The following SLC40A1 variants were observed in gnomAD, a reference collection of about 807,000 sequenced individuals.
SLC40A1 encodes solute carrier family 40 member 1.
Under a neutral mutation model 53.5 loss-of-function variants are expected in SLC40A1, and 16 were observed. That is an observed-to-expected ratio of 0.30 (90% CI 0.20 to 0.45). The LOEUF is 0.45. Ranked by LOEUF, SLC40A1 falls within the 20% of genes least tolerant of loss-of-function variation. SLC40A1 has a pLI of 1.00. For synonymous variants in SLC40A1, 247 were observed against 253.2 expected (o/e 0.98, Z 0.23); for missense variants, 545 against 695.4 (o/e 0.78, Z 2.43).
rs13420264 is a variant in SLC40A1 at position 189,575,671 on chromosome 2, C to T, written c.112-351G>A. The stretch of plus-strand genomic sequence containing the variant: ...GGTTTCTCCTGGGGCCTGGAATTTG[C>T]CTATCTTGATTGCAGAGGCATAAAG... On this transcript the variant is annotated intron_variant, in intron 2 of 7. Coordinates refer to ENST00000261024, the MANE Select transcript of SLC40A1 (RefSeq NM_014585.6). 3.3e-3 allele frequency among the ~76,000 whole-genome samples: 507 copies of T among 152,268 alleles called. 1 individual carries two copies. The highest frequency in any genetic ancestry group is 0.012 in the African/African-American group (492 of 41,546).
intron 2 of SLC40A1, among the ~76,000 whole-genome samples, chr2:189,579,113 G>C (rs1338920062): frequency 6.6e-6 from 1 of 152,136 alleles, no homozygotes; most frequent in African/African-American, 2.4e-5. Flanking sequence ...ATTTTTCGGA[G>C]AGAGTTTTAG....
In SLC40A1 at chr2:189,563,709, AT is replaced by A. The variant is rs2030830902; in HGVS notation, c.1276del (p.Ile426LeufsTer27). ...ATTAGACATGTATATTTCAGTTGTA[AT>A]TTCAGGTATCTTGGTAGGTGTAATT... ...ESITPTKIPE[I>X]TTEIYMSNGS... On this transcript the variant is annotated frameshift_variant, in exon 7 of 8. Coordinates refer to ENST00000261024, the MANE Select transcript of SLC40A1 (RefSeq NM_014585.6). LOFTEE classifies it high-confidence loss of function. 1 of 1,614,078 alleles carries A rather than the reference AT, an allele frequency of 6.2e-7. No individual in the cohort carries two copies. The highest frequency in any genetic ancestry group is 8.5e-7 in the Non-Finnish European group (1 of 1,180,032).
In SLC40A1 at chr2:189,571,819, A is replaced by T; in HGVS notation, c.410T>A (p.Ile137Asn). ...CAAATTTGCAATATTTGCAATAGTGATGATCAGGATATAGCAGGAAGTCTA... is the reference window on the plus strand; with the variant it reads ...CAAATTTGCAATATTTGCAATAGTGTTGATCAGGATATAGCAGGAAGTCTA... The part of the protein sequence containing the change: ...WVLTSCYILI[I>N]TIANIANLAS... Residue 137 changes from isoleucine (I) to asparagine (N), a missense_variant, in exon 5 of 8, where the codon ATC becomes AAC. Physicochemically the swap from Ile to Asn is moderately radical, Grantham distance 149 (BLOSUM62 -3). This residue lies in a region of SLC40A1 where 197 missense variants were observed against 278.8 expected (regional missense o/e 0.71). Coordinates refer to ENST00000261024, the MANE Select transcript of SLC40A1 (RefSeq NM_014585.6). 6.2e-7 allele frequency: 1 copy of T among 1,610,896 alleles called. No individual in the cohort carries two copies. Among genetic ancestry groups the T allele is most frequent in the South Asian group, 1.1e-5 (1 of 91,028 alleles).
In SLC40A1 at chr2:189,564,182, C is replaced by T; in HGVS notation, c.804G>A (p.Val268=). The T allele has an allele frequency of 6.2e-7, 1 of 1,613,736 alleles. No individual in the cohort carries two copies. The highest frequency in any genetic ancestry group is 8.5e-7 in the Non-Finnish European group (1 of 1,179,816). ...CAAGCTCATGGATGTTAGAGTCTTT[C>T]ACACCCATTAGATGAGTTCCCTCCA... ...KPLEGTHLMG[V]KDSNIHELEH... is the part of the protein sequence containing the mutation. Residue 268 remains valine, a synonymous_variant, in exon 7 of 8, where the codon GTG becomes GTA. Coordinates refer to ENST00000261024, the MANE Select transcript of SLC40A1 (RefSeq NM_014585.6).
chr2:189,568,261 G>A lies in SLC40A1; in HGVS notation c.515-2662C>T, dbSNP rs1193047605. On this transcript the variant is annotated intron_variant, in intron 5 of 7. Transcript: ENST00000261024. ...CCCAGCACTTTGGGAGGCCGAGGCG[G>A]GTGGATCACGAGGTCAGGAGATCAA... 2.0e-5 allele frequency among the ~76,000 whole-genome samples: 3 copies of A among 152,164 alleles called. No homozygotes were observed. In the East Asian group the frequency reaches 5.8e-4, roughly 29 times the overall value.
At chr2:189,565,680 A>C in intron 5 of SLC40A1, 81 bp from the exon 6 acceptor site, 3 of 1,566,250 alleles carry the variant, frequency 1.9e-6, no homozygotes, top group Non-Finnish European at 2.6e-6. Flanking sequence ...ACAAAGCTGT[A>C]AACCAAGAGT....
At chr2:189,579,281 C>T (rs536856136) in intron 2 of SLC40A1, among the ~76,000 whole-genome samples, 1 of 152,204 alleles carries the variant, frequency 6.6e-6, no homozygotes, top group African/African-American at 2.4e-5. Flanking sequence ...TTTTTAAAGA[C>T]CAGAATTTTT....
intron 2 of SLC40A1, among the ~76,000 whole-genome samples, chr2:189,578,028 C>T (rs1397174728): frequency 6.6e-6 from 1 of 152,162 alleles, no homozygotes. Flanking sequence ...CAAAACTAAC[C>T]TGAGGCAACC....
intron 2 of SLC40A1, chr2:189,578,537 G>A (rs1168677803): frequency 5.4e-6 from 1 of 184,372 alleles, no homozygotes; most frequent in East Asian, 1.9e-4. Flanking sequence ...CTTCCTCTAA[G>A]AGCAAGGCCA....
intron 5 of SLC40A1, among the ~76,000 whole-genome samples, chr2:189,570,699 C>A (rs547956076): frequency 1.3e-5 from 2 of 152,314 alleles, no homozygotes; most frequent in South Asian, 4.1e-4. Flanking sequence ...TTCTTCTAGA[C>A]CTTCCACAGA....
At chr2:189,574,126 G>A (rs1259378343) in intron 3 of SLC40A1, among the ~76,000 whole-genome samples, 1 of 152,132 alleles carries the variant, frequency 6.6e-6, no homozygotes, top group Non-Finnish European at 1.5e-5. Context: ...TGATTATATA[G>A]GATAAGTGGG....
In SLC40A1 at chr2:189,575,282, C is replaced by T. The variant is rs916801945; in HGVS notation, c.150G>A (p.Leu50=). 10 of 1,614,080 alleles carry T rather than the reference C, an allele frequency of 6.2e-6. No individual in the cohort carries two copies. Among genetic ancestry groups the T allele is most frequent in the Non-Finnish European group, 8.5e-6 (10 of 1,179,958 alleles). The change falls in exon 3 of 8, where the codon CTG becomes CTA. Residue 50 remains leucine, a synonymous_variant. Coordinates refer to ENST00000261024, the MANE Select transcript of SLC40A1 (RefSeq NM_014585.6). ...GGAGGCTGTTTCCATAGAGCTCTAC[C>T]AGAAACACAGACACCGCAAAGTGCC... is the stretch of plus-strand genomic sequence containing the variant. ...RMWHFAVSVF[L]VELYGNSLLL...
chr2:189,572,575 G>T, intron 4 of SLC40A1: 1 of 520,504 alleles, frequency 1.9e-6, no homozygotes, highest in Non-Finnish European at 3.4e-6. Flanking sequence ...TCACTAAAAA[G>T]CTGAAAACAA....
chr2:189,578,194 G>C, intron 2 of SLC40A1: 1 of 985,002 alleles, frequency 1.0e-6, no homozygotes, highest in African/African-American at 1.7e-5. Flanking sequence ...CCACACAAGA[G>C]AAAAAACATA....
At position 189,563,735 on chromosome 2, in the gene SLC40A1, T is replaced by C. The variant is rs751897349; in HGVS notation, c.1251A>G (p.Ser417=). 6.8e-6 allele frequency: 11 copies of C among 1,614,150 alleles called. No individual in the cohort carries two copies. The South Asian group carries it at 1.2e-4, about 18-fold the overall frequency. The change falls in exon 7 of 8, where the codon TCA becomes TCG. Residue 417 remains serine, a synonymous_variant. Coordinates refer to ENST00000261024, the MANE Select transcript of SLC40A1 (RefSeq NM_014585.6). ...TTTCAGGTATCTTGGTAGGTGTAATTGACTCTCCTTGAATGAACCTTGATC... is the reference window on the plus strand; with the variant it reads ...TTTCAGGTATCTTGGTAGGTGTAATCGACTCTCCTTGAATGAACCTTGATC... ...DIRSRFIQGE[S]ITPTKIPEIT...
At chr2:189,574,214 A>G (rs551530224) in intron 3 of SLC40A1, among the ~76,000 whole-genome samples, 1 of 152,356 alleles carries the variant, frequency 6.6e-6, no homozygotes, top group East Asian at 1.9e-4. Context: ...CTCAACAATC[A>G]TTAGATTAAA....
Position 189,580,585 on chromosome 2 carries a change from C to A in SLC40A1, c.-125G>T. The A allele has an allele frequency of 7.6e-6, 12 of 1,576,436 alleles. No homozygotes were observed. Among genetic ancestry groups the A allele is most frequent in the Admixed American group, 1.8e-5 (1 of 56,354 alleles). Reference sequence around the variant, plus strand: ...CCTCTAAAAACACAACAGCCTTGGGCAAAAAGACTACAACGACGACTTTGG... The same window carrying A: ...CCTCTAAAAACACAACAGCCTTGGGAAAAAAGACTACAACGACGACTTTGG... On this transcript the variant is annotated 5_prime_UTR_variant, in exon 1 of 8. Transcript: ENST00000261024.
At chr2:189,573,059 A>G (rs1457387124) in intron 3 of SLC40A1, 98 bp from the exon 4 acceptor site, 2 of 864,018 alleles carry the variant, frequency 2.3e-6, no homozygotes, top group African/African-American at 1.7e-5. Context: ...ACATTAATAC[A>G]CAGACCTAAT....
In SLC40A1 at chr2:189,561,023, C is replaced by G. The variant is rs935138958; in HGVS notation, c.*855G>C. ...TGTGGGCTTTCTACATGTAACTTGCCAGGCTGAAGGCTTACACCCTCATGT... is the reference window on the plus strand; with the variant it reads ...TGTGGGCTTTCTACATGTAACTTGCGAGGCTGAAGGCTTACACCCTCATGT... On this transcript the variant is annotated 3_prime_UTR_variant, in exon 8 of 8. Coordinates refer to ENST00000261024, the MANE Select transcript of SLC40A1 (RefSeq NM_014585.6). 1 of 152,120 alleles carries G rather than the reference C, an allele frequency of 6.6e-6. No individual in the cohort carries two copies. Among genetic ancestry groups the G allele is most frequent in the Admixed American group, 6.6e-5 (1 of 15,264 alleles). The allele number at this position is 152,120 out of a possible 1,614,324, so 9.4% of individuals were successfully genotyped here.
Sources: allele counts gnomAD v4.1 joint callset (sites outside exome capture counted in the v4.1 genomes callset), GRCh38; gene constraint gnomAD v4.1.1; regional missense constraint gnomAD v4.1.1; transcripts MANE v1.5; gene names NCBI Gene and HGNC (gene_info 2026-07-23, HGNC 2026-07-21).